Variants in ERICH1 observed in about 807,000 individuals in gnomAD.
ERICH1 encodes the protein glutamate-rich protein 1.
A neutral mutation model predicts 39.6 loss-of-function variants in ERICH1; 56 were observed. The ratio of observed to expected loss-of-function variants is 1.41; its 90% CI spans 1.14 to 1.77. The LOEUF (loss-of-function observed/expected upper bound fraction) is 1.77, where lower values mean the gene tolerates loss of function less well. Ranked by LOEUF, ERICH1 falls within the 40% of genes most tolerant of loss-of-function variation. The pLI, the probability that ERICH1 is intolerant of heterozygous loss-of-function variation, is 0.00. For synonymous variants in ERICH1, 313 were observed against 223.6 expected (o/e 1.40, Z -3.57); for missense variants, 826 against 575.4 (o/e 1.44, Z -4.45).
chr8:685,609 G>A lies in ERICH1; in HGVS notation c.304+6869C>T, dbSNP rs535654797. ...AAGACAGGCATAAGAAATTATAAAA[G>A]TATTAATTTGGAGAACTAACAAATG... On this transcript the variant is annotated intron_variant, in intron 3 of 5. Transcript: ENST00000262109. 1.4e-4 allele frequency among the ~76,000 whole-genome samples: 21 copies of A among 152,270 alleles called. No homozygotes were observed. The South Asian group carries it at 3.9e-3, about 29-fold the overall frequency.
rs943657185 is a variant in ERICH1 at position 719,099 on chromosome 8, G to T, written c.23-3092C>A. ...TCCCACCGGGAGCCCAGGCCCTGGG[G>T]CCACTGCCTGGGCTGAGAGCCCGAC... On this transcript the variant is annotated intron_variant, in intron 1 of 5. Transcript: ENST00000262109. 2.0e-5 allele frequency among the ~76,000 whole-genome samples: 3 copies of T among 152,122 alleles called. No homozygotes were observed. The East Asian group carries it at 5.8e-4, about 30-fold the overall frequency.
At chr8:710,403 C>G (rs145905616) in intron 2 of ERICH1, among the ~76,000 whole-genome samples, 1 of 151,540 alleles carries the variant, frequency 6.6e-6, no homozygotes, top group Non-Finnish European at 1.5e-5. Flanking sequence ...CTGGGCTCCA[C>G]CTGCTCCTCC....
chr8:694,673 G>C (rs4735906), intron 2 of ERICH1, among the ~76,000 whole-genome samples: 74,276 of 152,138 alleles, frequency 0.49, 20,318 homozygotes, highest in East Asian at 0.87. Flanking sequence ...CGGCTTGCTC[G>C]TCTGTGAATC....
At chr8:636,708 T>C (rs879782020) in intron 3 of ERICH1, among the ~76,000 whole-genome samples, 1 of 152,262 alleles carries the variant, frequency 6.6e-6, no homozygotes, top group Non-Finnish European at 1.5e-5. Flanking sequence ...CCTCCGACAC[T>C]GTGACCTCTG....
intron 2 of ERICH1, among the ~76,000 whole-genome samples, chr8:711,948 G>C (rs1164175421): frequency 2.0e-5 from 3 of 152,210 alleles, no homozygotes; most frequent in Non-Finnish European, 2.9e-5. Context: ...AGATAAGTCA[G>C]TGGTATTTAT....
At chr8:632,044 C>G (rs905966611) in intron 3 of ERICH1, among the ~76,000 whole-genome samples, 4 of 152,176 alleles carry the variant, frequency 2.6e-5, no homozygotes, top group Admixed American at 2.6e-4. Context: ...ACTCGAGCTG[C>G]GTCTCTGCTT....
intron 2 of ERICH1, among the ~76,000 whole-genome samples, chr8:708,935 T>A (rs1339449621): frequency 6.6e-6 from 1 of 151,902 alleles, no homozygotes; most frequent in African/African-American, 2.4e-5. Context: ...GCTCAAGTGA[T>A]CCACCCACCT....
intron 3 of ERICH1, among the ~76,000 whole-genome samples, chr8:623,876 G>C (rs1168622828): frequency 6.6e-6 from 1 of 152,054 alleles, no homozygotes; most frequent in Admixed American, 6.5e-5. Context: ...AAAAGCACTA[G>C]TAATGGAAGA....
rs1296990853 is a variant in ERICH1 at position 648,991 on chromosome 8, A to T, written c.976+19607T>A. On this transcript the variant is annotated intron_variant, in intron 3 of 3. Transcript: ENST00000522706. Reference sequence around the variant, plus strand: ...GCATATTTTTAAGTGGATTAGTTCCAGTGGGTGTGTTCAGGGATATTTGCA... The same window carrying T: ...GCATATTTTTAAGTGGATTAGTTCCTGTGGGTGTGTTCAGGGATATTTGCA... Among the ~76,000 whole-genome samples, 6 of 69,134 alleles carry T rather than the reference A, an allele frequency of 8.7e-5. 3 individuals are homozygous for T. The highest frequency in any genetic ancestry group is 2.7e-4 in the Non-Finnish European group (6 of 22,056). The allele number at this position is 69,134 out of a possible 152,430, so 45.4% of individuals were successfully genotyped here. A position where few individuals can be genotyped will look rare whatever the true frequency, so the allele number is the denominator to read the frequency against.
At chr8:637,899 G>A (rs1189356401) in intron 3 of ERICH1, among the ~76,000 whole-genome samples, 1 of 152,262 alleles carries the variant, frequency 6.6e-6, no homozygotes, top group Non-Finnish European at 1.5e-5. Flanking sequence ...TCTGGCCACT[G>A]CAGGCAGCCG....
Position 643,896 on chromosome 8 carries a change from C to T in ERICH1, c.976+24702G>A, listed in dbSNP as rs187693265. ...AGATGTGTGACCGAAAAAGGAGGCA[C>T]GGACTCAGCGCCTGGAGAAACACCC... On this transcript the variant is annotated intron_variant, in intron 3 of 3. Transcript: ENST00000522706. Among the ~76,000 whole-genome samples, 5 of 152,326 alleles carry T rather than the reference C, an allele frequency of 3.3e-5. No individual in the cohort carries two copies. The East Asian group carries it at 5.8e-4, about 18-fold the overall frequency.
intron 2 of ERICH1, among the ~76,000 whole-genome samples, chr8:698,738 A>AGG (rs1300604740): frequency 1.3e-5 from 2 of 152,068 alleles, no homozygotes; most frequent in Non-Finnish European, 2.9e-5. Context: ...TTGGCCTCCT[A>AGG]AAGTGCTAGG....
At chr8:624,480 C>G (rs1003280419) in intron 3 of ERICH1, among the ~76,000 whole-genome samples, 2 of 152,222 alleles carry the variant, frequency 1.3e-5, no homozygotes, top group Non-Finnish European at 2.9e-5. Flanking sequence ...ACAGCACAGT[C>G]TGTATCAGTC....
chr8:617,226 G>C (rs529663844), intron 3 of ERICH1, among the ~76,000 whole-genome samples: 7 of 152,128 alleles, frequency 4.6e-5, no homozygotes, highest in African/African-American at 1.7e-4. Context: ...AAGGGCTTCC[G>C]TAAAAAGTGG....
rs1811677071 is a variant in ERICH1, at chr8:700,291, G to GCGCACAGA, written c.170-7680_170-7679insTCTGTGCG. Reference sequence around the variant, plus strand: ...CGCACAGGCGCACAGACCCGCACAGGCCCGGACACGCGCACAGACCCGCAC... The same window carrying GCGCACAGA: ...CGCACAGGCGCACAGACCCGCACAGGCGCACAGACCCGGACACGCGCACAGACCCGCAC... On this transcript the variant is annotated intron_variant, in intron 2 of 5. Transcript: ENST00000262109. 3.6e-5 allele frequency among the ~76,000 whole-genome samples: 2 copies of GCGCACAGA among 55,142 alleles called. 1 individual carries two copies. Among genetic ancestry groups the GCGCACAGA allele is most frequent in the Non-Finnish European group, 8.6e-5 (2 of 23,240 alleles). 36.2% of individuals were successfully genotyped at this position (55,142 alleles called of 152,430 possible).
At chr8:695,066 C>T (rs1294820104) in intron 2 of ERICH1, among the ~76,000 whole-genome samples, 1 of 152,002 alleles carries the variant, frequency 6.6e-6, no homozygotes, top group Non-Finnish European at 1.5e-5. Flanking sequence ...CGGTTGGCTG[C>T]CCTGTGGGTT....
At chr8:637,233 G>A (rs1798510842) in intron 3 of ERICH1, among the ~76,000 whole-genome samples, 2 of 152,214 alleles carry the variant, frequency 1.3e-5, no homozygotes. Flanking sequence ...ACCCGGTGGG[G>A]TTCTGCAACC....
At chr8:708,389 A>G (rs999514831) in intron 2 of ERICH1, among the ~76,000 whole-genome samples, 1 of 152,214 alleles carries the variant, frequency 6.6e-6, no homozygotes, top group African/African-American at 2.4e-5. Flanking sequence ...AAAAAGGAGA[A>G]ACAACCAAAC....
chr8:666,315 T>G (rs1418912611), intron 5 of ERICH1: 1 of 152,198 alleles, frequency 6.6e-6, no homozygotes, highest in African/African-American at 2.4e-5. Context: ...ATCGCTTACT[T>G]TCATCTCTCA....
Sources: allele counts gnomAD v4.1 joint callset (sites outside exome capture counted in the v4.1 genomes callset), GRCh38; gene constraint gnomAD v4.1.1; transcripts MANE v1.5; gene names NCBI Gene and HGNC (gene_info 2026-07-23, HGNC 2026-07-21).